The following CEP112 variants were observed in gnomAD, a reference collection of about 807,000 sequenced individuals.
CEP112 encodes centrosomal protein of 112 kDa.
A neutral mutation model predicts 153.0 loss-of-function variants in CEP112; 127 were observed. The ratio of observed to expected loss-of-function variants is 0.83; its 90% CI spans 0.72 to 0.96. CEP112 has a LOEUF of 0.96. CEP112 is among the 40% of genes least tolerant of loss of function. The probability of loss-of-function intolerance (pLI) is 0.00; values close to 1 mark genes in which losing one functional copy is unlikely to be tolerated. For missense variants in CEP112, 1,089 were observed against 1,101.2 expected, an observed-to-expected ratio of 0.99 and a Z score of 0.16; for synonymous variants, 358 against 374.4, an observed-to-expected ratio of 0.96 and a Z score of 0.51.
intron 6 of CEP112, among the ~76,000 whole-genome samples, chr17:66,118,588 T>C (rs1230579256): frequency 6.6e-6 from 1 of 151,986 alleles, no homozygotes; most frequent in Non-Finnish European, 1.5e-5. Context: ...GAGGGTTAAA[T>C]AGGGACTGGT....
At chr17:66,144,183 G>A (rs2070826666) in intron 4 of CEP112, among the ~76,000 whole-genome samples, 1 of 152,130 alleles carries the variant, frequency 6.6e-6, no homozygotes, top group African/African-American at 2.4e-5. Context: ...GTACACACCT[G>A]TGTAACCACA....
In CEP112 at chr17:66,005,774, C is replaced by A. The variant is rs1359006581; in HGVS notation, c.1657-5G>T. The A allele has an allele frequency of 6.3e-7, 1 of 1,593,876 alleles. No individual in the cohort carries two copies. Among genetic ancestry groups the A allele is most frequent in the South Asian group, 1.1e-5 (1 of 86,960 alleles). ...TTCACTCTGCAAGTCATGAGCCTGC[C>A]ATGACAAGAACATGGAAAATTTATT... On this transcript the variant is annotated splice_polypyrimidine_tract_variant and splice_region_variant and intron_variant, in intron 16 of 26. Transcript: ENST00000535342.
chr17:65,765,454 C>A (rs1372981627), intron 21 of CEP112, among the ~76,000 whole-genome samples: 1 of 152,038 alleles, frequency 6.6e-6, no homozygotes, highest in Admixed American at 6.6e-5. Flanking sequence ...TTTTCTCCTT[C>A]CCCTGCCAGA....
intron 21 of CEP112, among the ~76,000 whole-genome samples, chr17:65,767,813 A>T (rs957575352): frequency 1.3e-5 from 2 of 152,098 alleles, no homozygotes; most frequent in African/African-American, 4.8e-5. Flanking sequence ...TAACTGAAGA[A>T]GGTTGAATAA....
At chr17:65,930,011 G>A (rs7224906) in intron 18 of CEP112, among the ~76,000 whole-genome samples, 62,825 of 152,012 alleles carry the variant, frequency 0.41, 14,379 homozygotes, top group East Asian at 0.87. Flanking sequence ...TATTTTACTT[G>A]TCTTTAAACC....
intron 4 of CEP112, among the ~76,000 whole-genome samples, chr17:66,169,450 A>C (rs1293671691): frequency 1.3e-5 from 2 of 151,612 alleles, no homozygotes; most frequent in African/African-American, 4.9e-5. Flanking sequence ...TGCCCAGCTA[A>C]TTTTTTTGTA....
chr17:66,075,427 T>C lies in CEP112; in HGVS notation c.769-5426A>G, dbSNP rs184200735. 3.1e-3 allele frequency among the ~76,000 whole-genome samples: 464 copies of C among 150,368 alleles called. 2 individuals are homozygous for C. Among genetic ancestry groups the C allele is most frequent in the African/African-American group, 0.011 (433 of 40,884 alleles). The stretch of plus-strand genomic sequence containing the variant: ...CCAAAAGCAACCAATAAAGAAAACA[T>C]ACAAAGGGAAAGTATAGCCAAGAAG... On this transcript the variant is annotated intron_variant, in intron 8 of 26. Coordinates refer to ENST00000535342, the MANE Select transcript of CEP112 (RefSeq NM_001199165.4).
At chr17:65,970,828 C>T (rs922922987) in intron 17 of CEP112, among the ~76,000 whole-genome samples, 2 of 150,650 alleles carry the variant, frequency 1.3e-5, no homozygotes, top group Admixed American at 6.6e-5. Flanking sequence ...ATATTGCATG[C>T]ATGCACATTA....
chr17:65,660,975 C>T (rs899596817), intron 24 of CEP112, among the ~76,000 whole-genome samples: 2 of 152,190 alleles, frequency 1.3e-5, no homozygotes, highest in Non-Finnish European at 2.9e-5. Context: ...CAACCCCACT[C>T]CCATATAAAA....
intron 4 of CEP112, among the ~76,000 whole-genome samples, chr17:66,139,201 A>T (rs1282397317): frequency 6.6e-6 from 1 of 152,204 alleles, no homozygotes; most frequent in Non-Finnish European, 1.5e-5. Context: ...TATTGAAATG[A>T]TCAACAAAAT....
chr17:66,051,729 A>G (rs2066451553), intron 12 of CEP112, among the ~76,000 whole-genome samples: 1 of 152,240 alleles, frequency 6.6e-6, no homozygotes, highest in South Asian at 2.1e-4. Flanking sequence ...TAAATTCAAG[A>G]AAGTACTTGG....
intron 24 of CEP112, among the ~76,000 whole-genome samples, chr17:65,684,728 T>A (rs948724243): frequency 6.6e-6 from 1 of 152,212 alleles, no homozygotes; most frequent in African/African-American, 2.4e-5. Flanking sequence ...ACGCAGTGTT[T>A]AACGCAGTGG....
At chr17:66,124,076 T>C (rs961189307) in intron 6 of CEP112, among the ~76,000 whole-genome samples, 2 of 152,198 alleles carry the variant, frequency 1.3e-5, no homozygotes, top group Admixed American at 1.3e-4. Context: ...GCCTCTCACA[T>C]GTACCACTCA....
chr17:65,886,798 A>G (rs950820510), intron 20 of CEP112, among the ~76,000 whole-genome samples: 1 of 152,116 alleles, frequency 6.6e-6, no homozygotes, highest in South Asian at 2.1e-4. Context: ...GACATTCCTG[A>G]GCTCAATCTA....
chr17:65,640,603 C>G (rs2045078938), intron 25 of CEP112, among the ~76,000 whole-genome samples: 1 of 152,194 alleles, frequency 6.6e-6, no homozygotes, highest in African/African-American at 2.4e-5. Flanking sequence ...ACTGTGCTTT[C>G]AATTTCTCTG....
intron 20 of CEP112, among the ~76,000 whole-genome samples, chr17:65,879,648 A>C (rs867253072): frequency 5.3e-5 from 8 of 152,316 alleles, no homozygotes; most frequent in Non-Finnish European, 7.3e-5. Flanking sequence ...ATTTCAGAGA[A>C]TAGAACTTAA....
chr17:66,040,942 T>G (rs1446934081), intron 12 of CEP112, among the ~76,000 whole-genome samples: 7 of 152,212 alleles, frequency 4.6e-5, no homozygotes, highest in Non-Finnish European at 1.0e-4. Context: ...TAAGATTTCC[T>G]CTTTAAGTTT....
At chr17:65,781,308 G>C (rs938355761) in intron 21 of CEP112, among the ~76,000 whole-genome samples, 1 of 151,982 alleles carries the variant, frequency 6.6e-6, no homozygotes. Flanking sequence ...AGATCTCTGC[G>C]AGGAGAATTA....
intron 1 of CEP112, among the ~76,000 whole-genome samples, chr17:66,190,783 C>A (rs1270853758): frequency 6.6e-6 from 1 of 152,022 alleles, no homozygotes; most frequent in Non-Finnish European, 1.5e-5. Context: ...AGTCAGCAAA[C>A]ATAACCAAAC....
Sources: allele counts gnomAD v4.1 joint callset (sites outside exome capture counted in the v4.1 genomes callset), GRCh38; gene constraint gnomAD v4.1.1; transcripts MANE v1.5; gene names NCBI Gene and HGNC (gene_info 2026-07-23, HGNC 2026-07-21).